The following HSPA14 variants were observed in gnomAD, a reference collection of about 807,000 sequenced individuals.
HSPA14 encodes the protein heat shock 70 kDa protein 14.
A neutral mutation model predicts 65.5 loss-of-function variants in HSPA14; 37 were observed. The observed-to-expected ratio is 0.56, with a 90% CI of 0.43 to 0.74. The LOEUF is 0.74. Ranked by LOEUF, HSPA14 falls within the 30% of genes least tolerant of loss-of-function variation. HSPA14 has a pLI of 0.00. For missense variants in HSPA14, 564 were observed against 607.6 expected, an observed-to-expected ratio of 0.93 and a Z score of 0.75; for synonymous variants, 203 against 214.2, an observed-to-expected ratio of 0.95 and a Z score of 0.46.
In HSPA14 at chr10:14,851,264, C is replaced by A. The variant is rs761810912; in HGVS notation, c.513C>A (p.His171Gln). 1.2e-6 allele frequency: 2 copies of A among 1,612,354 alleles called. No homozygotes were observed. The highest frequency in any genetic ancestry group is 2.2e-5 in the South Asian group (2 of 90,918). ...AAGFNVLRLIHEPSAALLAYG... is the reference protein window; with the variant it reads ...AAGFNVLRLIQEPSAALLAYG... ...GATTTAATGTTTTGCGATTAATTCA[C>A]GAACCGTCTGCAGCTCTTCTTGCTT... Residue 171 changes from histidine (H) to glutamine (Q), a missense_variant, in exon 7 of 14, where the codon CAC becomes CAA. Coordinates refer to ENST00000378372, the MANE Select transcript of HSPA14 (RefSeq NM_016299.4).
intron 3 of HSPA14, chr10:14,843,507 C>T (rs555809363): frequency 6.4e-7 from 1 of 1,550,692 alleles, no homozygotes; most frequent in East Asian, 2.4e-5. Context: ...CCAACCGCAG[C>T]ACTCCTGGGG....
chr10:14,867,259 T>G lies in HSPA14; in HGVS notation c.1170T>G (p.Leu390=), dbSNP rs374122934. The change falls in exon 11 of 14, where the codon CTT becomes CTG. Residue 390 remains leucine, a synonymous_variant. Coordinates refer to ENST00000378372, the MANE Select transcript of HSPA14 (RefSeq NM_016299.4). ...GKENLLVEDS[L]MIECSARDIL... ...AAAACCTGTTGGTGGAAGACTCTCTTATGATAGAGTGTTCAGCCAGAGATA... is the reference window on the plus strand; with the variant it reads ...AAAACCTGTTGGTGGAAGACTCTCTGATGATAGAGTGTTCAGCCAGAGATA... The G allele has an allele frequency of 1.7e-5, 28 of 1,613,430 alleles. No homozygotes were observed. The highest frequency in any genetic ancestry group is 2.4e-5 in the Non-Finnish European group (28 of 1,179,528).
intron 11 of HSPA14, 79 bp downstream of exon 11, chr10:14,867,374 A>G (rs773105772): frequency 1.1e-4 from 105 of 943,994 alleles, no homozygotes; most frequent in Non-Finnish European, 1.6e-4. Context: ...ATTAATTGCC[A>G]TAAGTTTTTA....
chr10:14,856,315 T>C (rs770400715), intron 10 of HSPA14, among the ~76,000 whole-genome samples: 1 of 152,182 alleles, frequency 6.6e-6, no homozygotes, highest in African/African-American at 2.4e-5. Flanking sequence ...GTAAGCACTA[T>C]TATTTATCCT....
At chr10:14,849,383 A>C (rs1834090125) in intron 5 of HSPA14, 5 of 495,290 alleles carry the variant, frequency 1.0e-5, no homozygotes, top group South Asian at 7.7e-5. Flanking sequence ...GCAGGCTTTA[A>C]ATGTAGAGAA....
At chr10:14,860,833 A>T (rs1444836504) in intron 10 of HSPA14, among the ~76,000 whole-genome samples, 1 of 152,142 alleles carries the variant, frequency 6.6e-6, no homozygotes, top group African/African-American at 2.4e-5. Context: ...CTTTAAAGCC[A>T]TGAAACTGGA....
rs755731523 is a variant in HSPA14, at chr10:14,867,260, A to G, written c.1171A>G (p.Met391Val). ...AAACCTGTTGGTGGAAGACTCTCTT[A>G]TGATAGAGTGTTCAGCCAGAGATAT... ...KENLLVEDSL[M>V]IECSARDILV... The change falls in exon 11 of 14, where the codon ATG (methionine) becomes GTG (valine). Residue 391 changes from methionine to valine, a missense_variant. Coordinates refer to ENST00000378372, the MANE Select transcript of HSPA14 (RefSeq NM_016299.4). 4 of 1,613,782 alleles carry G rather than the reference A, an allele frequency of 2.5e-6. No individual in the cohort carries two copies. The Admixed American group carries it at 6.7e-5, about 27-fold the overall frequency.
chr10:14,847,074 C>G, intron 3 of HSPA14: 1 of 978,964 alleles, frequency 1.0e-6, no homozygotes, highest in African/African-American at 1.7e-5. Flanking sequence ...TTGCTTTCTC[C>G]TCTGCTAAGG....
intron 3 of HSPA14, chr10:14,846,361 A>G (rs893797850): frequency 2.0e-6 from 2 of 985,306 alleles, no homozygotes; most frequent in Admixed American, 6.1e-5. Flanking sequence ...GGAGTGCTGA[A>G]GAAGAGCATT....
In HSPA14 at chr10:14,842,439, A is replaced by G; in HGVS notation, c.221+2282A>G. On this transcript the variant is annotated intron_variant, in intron 3 of 13. Coordinates refer to ENST00000378372, the MANE Select transcript of HSPA14 (RefSeq NM_016299.4). The surrounding 1 kb of genome is among the most constrained non-coding windows in gnomAD (Gnocchi z 5.2). ...CAGGCTGTGTCTAAGCGAATGCAGC[A>G]GGAGGGCTTCCGCCGCACCGAACGT... 1 of 1,536,210 alleles carries G rather than the reference A, an allele frequency of 6.5e-7. No homozygotes were observed. Among genetic ancestry groups the G allele is most frequent in the Non-Finnish European group, 8.7e-7 (1 of 1,146,924 alleles).
At chr10:14,849,549 G>A (rs756099583) in intron 5 of HSPA14, 172 bp from the exon 6 acceptor site, 498 of 693,910 alleles carry the variant, frequency 7.2e-4, no homozygotes, top group Non-Finnish European at 1.2e-3. Context: ...ACCACAAGAA[G>A]TGCTGCATGA....
At chr10:14,848,972 T>G in intron 5 of HSPA14, 77 bp downstream of exon 5, 1 of 769,310 alleles carries the variant, frequency 1.3e-6, no homozygotes, top group South Asian at 1.8e-5. Context: ...GTTAGAGGTA[T>G]TTTTAGATCT....
intron 9 of HSPA14, among the ~76,000 whole-genome samples, chr10:14,854,836 T>C (rs1476700998): frequency 6.6e-6 from 1 of 152,232 alleles, no homozygotes; most frequent in Non-Finnish European, 1.5e-5. Context: ...GCTGCTTAAA[T>C]TTAACTTAAT....
chr10:14,849,784 T>A lies in HSPA14; in HGVS notation c.440T>A (p.Phe147Tyr). The A allele has an allele frequency of 6.2e-7, 1 of 1,613,476 alleles. No individual in the cohort carries two copies. Among genetic ancestry groups the A allele is most frequent in the South Asian group, 1.1e-5 (1 of 90,974 alleles). Residue 147 changes from phenylalanine to tyrosine, a missense_variant, in exon 6 of 14, where the codon TTT (phenylalanine) becomes TAT (tyrosine). Coordinates refer to ENST00000378372, the MANE Select transcript of HSPA14 (RefSeq NM_016299.4). ...NDVVITVPFD[F>Y]GEKQKNALGE... ...GTAGTTATTACTGTCCCGTTTGATT[T>A]TGGAGAAAAGCAAAAAAATGCTCTT...
At chr10:14,843,608 G>A (rs1343589241) in intron 3 of HSPA14, 1 of 1,550,506 alleles carries the variant, frequency 6.4e-7, no homozygotes, top group African/African-American at 1.4e-5. Context: ...CCCCCTCCAA[G>A]GTGGGCAAGG....
At position 14,864,270 on chromosome 10, in the gene HSPA14, G is replaced by T. The variant is rs555631540; in HGVS notation, c.994-2813G>T. Among the ~76,000 whole-genome samples the T allele has an allele frequency of 5.3e-3, 707 of 132,892 alleles. 1 individual carries two copies. The highest frequency in any genetic ancestry group is 8.3e-3 in the Non-Finnish European group (514 of 61,974). The allele number at this position is 132,892 out of a possible 152,430, so 87.2% of individuals were successfully genotyped here. On this transcript the variant is annotated intron_variant, in intron 10 of 13. Transcript: ENST00000378372. ...AAAAAGTCAATATTTTCCAAGGTTGGTTTTTTTTTTTTGGTTTTCTTTGTT... is the reference window on the plus strand; with the variant it reads ...AAAAAGTCAATATTTTCCAAGGTTGTTTTTTTTTTTTTGGTTTTCTTTGTT...
chr10:14,840,061 A>AT lies in HSPA14; in HGVS notation c.139-4dup, dbSNP rs3830599. ...ATTGTAATATATATATATATATATT[A>AT]TTTTTTTTTTCAGATTGTTGGATTG... On this transcript the variant is annotated splice_polypyrimidine_tract_variant and intron_variant, in intron 2 of 13. Transcript: ENST00000378372. The AT allele has an allele frequency of 2.6e-3, 2,955 of 1,150,434 alleles. No individual in the cohort carries two copies. The highest frequency in any genetic ancestry group is 2.9e-3 in the Non-Finnish European group (2,502 of 857,412). 71.3% of individuals were successfully genotyped at this position (1,150,434 alleles called of 1,614,324 possible). A position where few individuals can be genotyped will look rare whatever the true frequency, so the allele number is the denominator to read the frequency against.
chr10:14,839,072 C>G (rs1483585798), intron 1 of HSPA14, among the ~76,000 whole-genome samples: 2 of 152,328 alleles, frequency 1.3e-5, no homozygotes, highest in South Asian at 4.1e-4. Context: ...GCAAAGCTGC[C>G]TGGCTGTGAA....
Position 14,845,032 on chromosome 10 carries a change from T to C in HSPA14, c.222-3577T>C, listed in dbSNP as rs1455563297. On this transcript the variant is annotated intron_variant, in intron 3 of 13. Coordinates refer to ENST00000378372, the MANE Select transcript of HSPA14 (RefSeq NM_016299.4). ...AACAGCTTTGTTTCCTCTTTAACTT[T>C]GGGAACACTAGAGGATGGTGTGGAT... is the stretch of plus-strand genomic sequence containing the variant. 6.1e-6 allele frequency: 6 copies of C among 985,326 alleles called. No individual in the cohort carries two copies. In the East Asian group the frequency reaches 6.8e-4, roughly 112 times the overall value. 61.0% of individuals were successfully genotyped at this position (985,326 alleles called of 1,614,324 possible). A position where few individuals can be genotyped will look rare whatever the true frequency, so the allele number is the denominator to read the frequency against.
Sources: gnomAD v4.1 joint callset for allele counts (sites outside exome capture counted in the v4.1 genomes callset) on GRCh38, gnomAD v4.1.1 for gene constraint, Gnocchi (gnomAD v3.1) non-coding constraint, MANE v1.5 for transcripts, NCBI Gene and HGNC (gene_info 2026-07-23, HGNC 2026-07-21) for gene names.